Variants in FLT3LG observed in about 807,000 individuals in gnomAD.
FLT3LG encodes fms related receptor tyrosine kinase 3 ligand, also known as fms-related tyrosine kinase 3 ligand.
In FLT3LG, 8 loss-of-function variants were observed where a neutral mutation model predicts 30.9. That is an observed-to-expected ratio of 0.26 (90% CI 0.15 to 0.47). The LOEUF (loss-of-function observed/expected upper bound fraction) is 0.47. FLT3LG is among the 20% of genes least tolerant of loss of function. The pLI is 0.99. For synonymous variants in FLT3LG, 123 were observed against 135.9 expected, an observed-to-expected ratio of 0.91 and a Z score of 0.66; for missense variants, 278 against 306.2, an observed-to-expected ratio of 0.91 and a Z score of 0.69.
intron 2 of FLT3LG, among the ~76,000 whole-genome samples, chr19:49,474,881 G>A (rs1568664623): frequency 7.4e-6 from 1 of 135,750 alleles, no homozygotes; most frequent in Non-Finnish European, 1.6e-5. Flanking sequence ...ACAGAGGAGG[G>A]GGAGATAGAG....
chr19:49,477,416 C>T (rs2079431367), intron 5 of FLT3LG, among the ~76,000 whole-genome samples: 1 of 152,054 alleles, frequency 6.6e-6, no homozygotes, highest in Non-Finnish European at 1.5e-5. Context: ...TGCACTCCAG[C>T]TTGAGCGACA....
intron 8 of FLT3LG, among the ~76,000 whole-genome samples, chr19:49,484,858 G>A (rs1180024116): frequency 1.3e-5 from 2 of 152,038 alleles, no homozygotes; most frequent in Non-Finnish European, 2.9e-5. Flanking sequence ...TAACTCCTTG[G>A]CAGATCGCTT....
rs542571227 is a variant in FLT3LG at position 49,481,129 on chromosome 19, C to T, written c.*21+509C>T. The T allele has an allele frequency of 7.9e-4, 124 of 156,658 alleles. 2 individuals are homozygous for T. In the South Asian group the frequency reaches 0.023, roughly 29 times the overall value. 9.7% of individuals were successfully genotyped at this position (156,658 alleles called of 1,614,324 possible). ...GCTGTGGGAAGGCCCAGGGTGAGGA[C>T]CATGACTGAGCCAGGGCTGGGACCA... is the stretch of plus-strand genomic sequence containing the variant. On this transcript the variant is annotated intron_variant, in intron 8 of 8. Coordinates refer to ENST00000597551, the MANE Select transcript of FLT3LG (RefSeq NM_001459.4).
Position 49,476,260 on chromosome 19 carries a change from C to G in FLT3LG, c.198+62C>G. The G allele has an allele frequency of 2.0e-6, 3 of 1,482,314 alleles. No individual in the cohort carries two copies. The highest frequency in any genetic ancestry group is 1.1e-5 in the South Asian group (1 of 88,698). The allele number at this position is 1,482,314 out of a possible 1,614,324, so 91.8% of individuals were successfully genotyped here. A position where few individuals can be genotyped will look rare whatever the true frequency, so the allele number is the denominator to read the frequency against. ...GGACCACAGACTCAAGATGCTCCAC[C>G]GAGGCGAGTGGATAACCAGGCCCTC... is the stretch of plus-strand genomic sequence containing the variant. On this transcript the variant is annotated intron_variant, in intron 4 of 8. Transcript: ENST00000597551. The surrounding 1 kb of genome is among the most constrained non-coding windows in gnomAD (Gnocchi z 5.3).
Position 49,476,046 on chromosome 19 carries a change from C to A in FLT3LG, c.145-99C>A. 1 of 1,385,436 alleles carries A rather than the reference C, an allele frequency of 7.2e-7. No homozygotes were observed. Among genetic ancestry groups the A allele is most frequent in the Non-Finnish European group, 1.0e-6 (1 of 975,412 alleles). The allele number at this position is 1,385,436 out of a possible 1,614,324, so 85.8% of individuals were successfully genotyped here. ...TCTTCTGGGCTCCCCCTCTCTTGGT[C>A]TTGTCCCTCTCTCTCTGGATCTCTG... On this transcript the variant is annotated intron_variant, in intron 3 of 8. Coordinates refer to ENST00000597551, the MANE Select transcript of FLT3LG (RefSeq NM_001459.4). The surrounding 1 kb of genome is among the most constrained non-coding windows in gnomAD (Gnocchi z 5.3).
At chr19:49,484,158 T>C (rs1039794744) in intron 8 of FLT3LG, among the ~76,000 whole-genome samples, 4 of 148,692 alleles carry the variant, frequency 2.7e-5, no homozygotes, top group Admixed American at 6.7e-5. Context: ...GCTGGGATTA[T>C]AGGCGTGAGC....
At chr19:49,475,655 C>G (rs765464620) in intron 2 of FLT3LG, 36 bp from the exon 3 acceptor site, 37 of 1,594,868 alleles carry the variant, frequency 2.3e-5, no homozygotes, top group Non-Finnish European at 3.1e-5. Context: ...GTGTGTGGAA[C>G]AGCAGAGGGC....
chr19:49,475,608 CAG>C (rs1439482748), intron 2 of FLT3LG, 81 bp from the exon 3 acceptor site: 32 of 1,514,924 alleles, frequency 2.1e-5, no homozygotes, highest in Non-Finnish European at 2.8e-5. Flanking sequence ...GCGGGGAAGA[CAG>C]AACAGTACAG....
In FLT3LG at chr19:49,478,910, C is replaced by T. The variant is rs752351114; in HGVS notation, c.344C>T (p.Pro115Leu). ...IHFVTKCAFQ[P>L]PPSCLRFVQT... is the part of the protein sequence containing the mutation. ...GACGTCTCCCTCCCCTGCTCCCAGC[C>T]CCCCCCCAGCTGTCTTCGCTTCGTC... Residue 115 changes from proline (P) to leucine (L), a missense_variant and splice_region_variant, in exon 6 of 9, where the codon CCC becomes CTC. By Grantham distance (98) the Pro-to-Leu change is moderately conservative. Around this residue, in one of 3 missense-constraint regions of FLT3LG, gnomAD observed 170 missense variants for 162.0 expected, o/e 1.05. Coordinates refer to ENST00000597551, the MANE Select transcript of FLT3LG (RefSeq NM_001459.4). 30 of 1,528,452 alleles carry T rather than the reference C, an allele frequency of 2.0e-5. 1 individual carries two copies. Among genetic ancestry groups the T allele is most frequent in the African/African-American group, 8.4e-5 (6 of 71,586 alleles). 94.7% of individuals were successfully genotyped at this position (1,528,452 alleles called of 1,614,324 possible).
intron 6 of FLT3LG, chr19:49,479,815 T>C (rs562971167): frequency 6.9e-6 from 1 of 143,978 alleles, no homozygotes; most frequent in South Asian, 1.9e-4. Flanking sequence ...CTATTGTTTT[T>C]TTTTTCTAAG....
At chr19:49,475,573 CAGA>C (rs1263221857) in intron 2 of FLT3LG, 115 bp from the exon 3 acceptor site, 3 of 1,332,916 alleles carry the variant, frequency 2.3e-6, no homozygotes, top group South Asian at 1.4e-5. Flanking sequence ...GTGGAAGAGG[CAGA>C]AGGACACCCA....
intron 8 of FLT3LG, 83 bp downstream of exon 8, chr19:49,480,703 G>A (rs759802997): frequency 7.1e-7 from 1 of 1,404,218 alleles, no homozygotes; most frequent in Non-Finnish European, 9.8e-7. Context: ...AGGGTGGTGA[G>A]CAGTGGAGGG....
Position 49,476,329 on chromosome 19 carries a change from T to C in FLT3LG, c.199-94T>C. On this transcript the variant is annotated intron_variant, in intron 4 of 8. Transcript: ENST00000597551. The surrounding 1 kb of genome is among the most constrained non-coding windows in gnomAD (Gnocchi z 5.3). ...ATCAGAGTCCTCAGCCCCTCCTCCC[T>C]CAGACCCAGGAGCCCCGGCCCAGCC... 1 of 1,494,510 alleles carries C rather than the reference T, an allele frequency of 6.7e-7. No homozygotes were observed. Among genetic ancestry groups the C allele is most frequent in the Non-Finnish European group, 9.2e-7 (1 of 1,083,064 alleles). The allele number at this position is 1,494,510 out of a possible 1,614,324, so 92.6% of individuals were successfully genotyped here.
chr19:49,482,811 T>C (rs1041951448), intron 8 of FLT3LG, among the ~76,000 whole-genome samples: 1 of 151,736 alleles, frequency 6.6e-6, no homozygotes, highest in Non-Finnish European at 1.5e-5. Flanking sequence ...GTGTTTTTAG[T>C]AGAGACAAGG....
chr19:49,475,526 A>G, intron 2 of FLT3LG, 165 bp from the exon 3 acceptor site: 1 of 912,242 alleles, frequency 1.1e-6, no homozygotes, highest in South Asian at 1.8e-5. Flanking sequence ...AGAAACCGGG[A>G]AAGACAGGCA....
chr19:49,476,532 C>T lies in FLT3LG; in HGVS notation c.308C>T (p.Thr103Met), dbSNP rs79058858. ...KMQGLLERVN[T>M]EIHFVTKCAF... Reference sequence around the variant, plus strand: ...CAAGGCTTGCTGGAGCGCGTGAACACGGAGATACACTTTGTCACCAAATGT... The same window carrying T: ...CAAGGCTTGCTGGAGCGCGTGAACATGGAGATACACTTTGTCACCAAATGT... The change falls in exon 5 of 9, where the codon ACG becomes ATG. Residue 103 changes from threonine to methionine, a missense_variant. Thr to Met is a moderately conservative substitution (Grantham distance 81). Transcript: ENST00000597551. This position sits in a 1 kb window ranked among gnomAD's most constrained non-coding sequence, Gnocchi z 5.3. The T allele has an allele frequency of 1.2e-4, 191 of 1,614,152 alleles. No individual in the cohort carries two copies. In the East Asian group the frequency reaches 3.8e-3, roughly 32 times the overall value.
chr19:49,474,771 T>C (rs996622445), intron 2 of FLT3LG, 99 bp downstream of exon 2: 12 of 1,311,970 alleles, frequency 9.1e-6, no homozygotes, highest in East Asian at 4.8e-5. Context: ...GATGGACAGA[T>C]GACGAGGAAA....
rs1255225705 is a variant in FLT3LG at position 49,476,869 on chromosome 19, G to C, written c.342+303G>C. ...AAGGGGTCTCTAAACTGAGGAGGCC[G>C]GGCGTGGTGGCTCACTCCTGTAATC... On this transcript the variant is annotated intron_variant, in intron 5 of 8. Transcript: ENST00000597551. This position sits in a 1 kb window ranked among gnomAD's most constrained non-coding sequence, Gnocchi z 5.3. 5.7e-6 allele frequency: 2 copies of C among 351,936 alleles called. No individual in the cohort carries two copies. Among genetic ancestry groups the C allele is most frequent in the Non-Finnish European group, 1.1e-5 (2 of 189,270 alleles). The allele number at this position is 351,936 out of a possible 1,614,324, so 21.8% of individuals were successfully genotyped here.
intron 5 of FLT3LG, among the ~76,000 whole-genome samples, chr19:49,477,450 T>C (rs1041749144): frequency 2.0e-5 from 3 of 148,410 alleles, no homozygotes; most frequent in Non-Finnish European, 3.0e-5. Flanking sequence ...TCTCAAAACA[T>C]AGAATAGGCC....
Sources: gnomAD v4.1 joint callset for allele counts (sites outside exome capture counted in the v4.1 genomes callset) on GRCh38, gnomAD v4.1.1 for gene constraint, gnomAD v4.1.1 regional missense constraint, Gnocchi (gnomAD v3.1) non-coding constraint, MANE v1.5 for transcripts, NCBI Gene and HGNC (gene_info 2026-07-23, HGNC 2026-07-21) for gene names.